The following HID1 variants were observed in gnomAD, a reference collection of about 807,000 sequenced individuals.
The protein encoded by HID1 is protein HID1.
A neutral mutation model predicts 89.7 loss-of-function variants in HID1; 42 were observed. The ratio of observed to expected loss-of-function variants is 0.47; its 90% confidence interval spans 0.37 to 0.61. The LOEUF (loss-of-function observed/expected upper bound fraction) is 0.61, where lower values mean the gene tolerates loss of function less well. HID1 is among the 20% of genes least tolerant of loss of function. The pLI is 0.00. For synonymous variants in HID1, 442 were observed against 433.8 expected, an observed-to-expected ratio of 1.02 and a Z score of -0.24; for missense variants, 854 against 1,039.3, an observed-to-expected ratio of 0.82 and a Z score of 2.45.
intron 3 of HID1, 43 bp from the exon 4 acceptor site, chr17:74,963,124 C>T: frequency 6.9e-7 from 1 of 1,447,248 alleles, no homozygotes; most frequent in Non-Finnish European, 9.5e-7. Context: ...GATAGCTGGC[C>T]AGGAAGAGGT....
chr17:74,952,008 C>A lies in HID1; in HGVS notation c.2200G>T (p.Gly734Trp). The A allele has an allele frequency of 6.4e-7, 1 of 1,560,386 alleles. No homozygotes were observed. Among genetic ancestry groups the A allele is most frequent in the East Asian group, 2.4e-5 (1 of 42,500 alleles). Residue 734 changes from glycine to tryptophan, a missense_variant, in exon 18 of 19, where the codon GGG becomes TGG. By Grantham distance (184) the Gly-to-Trp change is radical. Coordinates refer to ENST00000425042, the MANE Select transcript of HID1 (RefSeq NM_030630.3). ...ATGGGGTGGGGCACGGGCAGCAGCC[C>A]CACCAGGGTGCCATGCTGCAGGAAC... ...LRFLQHGTLVGLLPVPHPILI... is the reference protein window; with the variant it reads ...LRFLQHGTLVWLLPVPHPILI...
intron 6 of HID1, 79 bp downstream of exon 6, chr17:74,961,794 C>T (rs1421282405): frequency 1.2e-6 from 1 of 848,064 alleles, no homozygotes; most frequent in Non-Finnish European, 1.7e-6. Flanking sequence ...AAACGAGACC[C>T]AGAGCTGGCG....
chr17:74,965,233 A>T (rs979265419), intron 1 of HID1, among the ~76,000 whole-genome samples: 1 of 152,164 alleles, frequency 6.6e-6, no homozygotes, highest in Non-Finnish European at 1.5e-5. Context: ...AGGGCTGCCA[A>T]CTTCAAATCC....
At position 74,958,900 on chromosome 17, in the gene HID1, G is replaced by GGCTGGCCCACCTTGTTGAA; in HGVS notation, c.1141_1149+10dup. The GGCTGGCCCACCTTGTTGAA allele has an allele frequency of 6.3e-7, 1 of 1,586,910 alleles. No individual in the cohort carries two copies. The highest frequency in any genetic ancestry group is 2.2e-5 in the East Asian group (1 of 44,768). On this transcript the variant is annotated intron_variant, in intron 9 of 18. Coordinates refer to ENST00000425042, the MANE Select transcript of HID1 (RefSeq NM_030630.3). The surrounding 1 kb of genome is among the most constrained non-coding windows in gnomAD (Gnocchi z 5.2). ...TCCATCTCCCTGCAGGGCCCCTCGA[G>GGCTGGCCCACCTTGTTGAA]GCTGGCCCACCTTGTTGAAGTCGCA...
In HID1 at chr17:74,964,514, G is replaced by A. The variant is rs2039533008; in HGVS notation, c.185C>T (p.Ser62Leu). The A allele has an allele frequency of 6.2e-7, 1 of 1,610,100 alleles. No individual in the cohort carries two copies. Among genetic ancestry groups the A allele is most frequent in the African/African-American group, 1.3e-5 (1 of 74,898 alleles). Residue 62 changes from serine to leucine, a missense_variant, in exon 2 of 19, where the codon TCA becomes TTA. Ser to Leu is a moderately radical substitution (Grantham distance 145). Coordinates refer to ENST00000425042, the MANE Select transcript of HID1 (RefSeq NM_030630.3). Reference sequence around the variant, plus strand: ...GCACAGGGTGGCCAAGTTGGAGGGTGACTCTTCCCGCACGGCCCGGATCTC... The same window carrying A: ...GCACAGGGTGGCCAAGTTGGAGGGTAACTCTTCCCGCACGGCCCGGATCTC... ...AAEIRAVREE[S>L]PSNLATLCYK...
At chr17:74,954,511 G>A (rs2039359174) in intron 13 of HID1, 146 bp from the exon 14 acceptor site, 1 of 1,414,762 alleles carries the variant, frequency 7.1e-7, no homozygotes, top group Non-Finnish European at 9.5e-7. Context: ...GCCCAAGAGA[G>A]GGTGCTGGGG....
intron 12 of HID1, chr17:74,957,913 T>A: frequency 1.8e-6 from 1 of 561,142 alleles, no homozygotes; most frequent in East Asian, 3.0e-5. Context: ...ATATTAAATA[T>A]CTCATTAGTA....
At position 74,959,888 on chromosome 17, in the gene HID1, C is replaced by G; in HGVS notation, c.1001G>C (p.Arg334Pro). The G allele has an allele frequency of 6.2e-7, 1 of 1,613,712 alleles. No individual in the cohort carries two copies. Among genetic ancestry groups the G allele is most frequent in the Non-Finnish European group, 8.5e-7 (1 of 1,180,012 alleles). ...LFVNYLSRIH[R>P]EEDFQFILKG... Reference sequence around the variant, plus strand: ...TGTGGGGACTGGACTTGCCTCCTCACGATGGATGCGGGACAGGTAGTTCAC... The same window carrying G: ...TGTGGGGACTGGACTTGCCTCCTCAGGATGGATGCGGGACAGGTAGTTCAC... The change falls in exon 8 of 19, where the codon CGT becomes CCT. Residue 334 changes from arginine (R) to proline (P), a missense_variant. Arg to Pro is a moderately radical substitution (Grantham distance 103, BLOSUM62 -2). Coordinates refer to ENST00000425042, the MANE Select transcript of HID1 (RefSeq NM_030630.3). This position sits in a 1 kb window ranked among gnomAD's most constrained non-coding sequence, Gnocchi z 4.6.
chr17:74,961,731 G>C (rs1342009736), intron 6 of HID1, 142 bp downstream of exon 6: 8 of 449,226 alleles, frequency 1.8e-5, no homozygotes, highest in African/African-American at 2.0e-5. Context: ...GCTAGTGTGA[G>C]GTGTGGCTGG....
rs908046223 is a variant in HID1 at position 74,951,380 on chromosome 17, G to A, written c.*190C>T. 2 of 609,650 alleles carry A rather than the reference G, an allele frequency of 3.3e-6. No homozygotes were observed. Among genetic ancestry groups the A allele is most frequent in the Non-Finnish European group, 5.8e-6 (2 of 343,320 alleles). 37.8% of individuals were successfully genotyped at this position (609,650 alleles called of 1,614,324 possible). A position where few individuals can be genotyped will look rare whatever the true frequency, so the allele number is the denominator to read the frequency against. On this transcript the variant is annotated 3_prime_UTR_variant, in exon 19 of 19. Coordinates refer to ENST00000425042, the MANE Select transcript of HID1 (RefSeq NM_030630.3). ...TGGGGCTCCTGTGAGTCCAGCCTAG[G>A]GGTTGAGGGGGATCTGAGCCAGTTC...
chr17:74,960,698 C>T (rs2039465912), intron 6 of HID1, among the ~76,000 whole-genome samples: 1 of 152,338 alleles, frequency 6.6e-6, no homozygotes, highest in African/African-American at 2.4e-5. Flanking sequence ...AAAACTCTGG[C>T]CAGCCTCGGA....
At chr17:74,953,749 C>T in intron 14 of HID1, 98 bp from the exon 15 acceptor site, 1 of 949,580 alleles carries the variant, frequency 1.1e-6, no homozygotes, top group Non-Finnish European at 1.6e-6. Context: ...TTTACTCCTG[C>T]TTCCCTCTGG....
intron 6 of HID1, 79 bp from the exon 7 acceptor site, chr17:74,960,327 A>AAGGT: frequency 8.0e-7 from 1 of 1,255,924 alleles, no homozygotes; most frequent in Non-Finnish European, 1.1e-6. Context: ...GCCACGTGGG[A>AAGGT]AGGTCAGCCT....
Position 74,958,818 on chromosome 17 carries a change from C to A in HID1, c.1150-55G>T, listed in dbSNP as rs2039435289. ...TGAGTTCAAGGGAGGGGCAGCTCTG[C>A]CCCACCCCCCTCAGTCTGACACTGT... On this transcript the variant is annotated intron_variant, in intron 9 of 18. Coordinates refer to ENST00000425042, the MANE Select transcript of HID1 (RefSeq NM_030630.3). The surrounding 1 kb of genome is among the most constrained non-coding windows in gnomAD (Gnocchi z 5.2). 18 of 1,596,128 alleles carry A rather than the reference C, an allele frequency of 1.1e-5. No individual in the cohort carries two copies. The highest frequency in any genetic ancestry group is 1.5e-5 in the Non-Finnish European group (18 of 1,169,030).
In HID1 at chr17:74,958,651, C is replaced by A; in HGVS notation, c.1240+22G>T. On this transcript the variant is annotated intron_variant, in intron 10 of 18. Coordinates refer to ENST00000425042, the MANE Select transcript of HID1 (RefSeq NM_030630.3). The surrounding 1 kb of genome is among the most constrained non-coding windows in gnomAD (Gnocchi z 5.2). ...TCGCCGCCAGGAAAGCCCCCAGCAT[C>A]CCACCCCCACCCTGGTCTTACACTG... 3.9e-6 allele frequency: 3 copies of A among 769,990 alleles called. No individual in the cohort carries two copies. The highest frequency in any genetic ancestry group is 6.8e-6 in the Non-Finnish European group (3 of 442,116). 47.7% of individuals were successfully genotyped at this position (769,990 alleles called of 1,614,324 possible).
intron 13 of HID1, 110 bp downstream of exon 13, chr17:74,955,682 G>T: frequency 1.1e-6 from 1 of 939,862 alleles, no homozygotes; most frequent in Non-Finnish European, 1.6e-6. Context: ...GGGGCAGAAG[G>T]CAAGCAGGCC....
chr17:74,966,497 G>C (rs2039566214), intron 1 of HID1, among the ~76,000 whole-genome samples: 1 of 152,000 alleles, frequency 6.6e-6, no homozygotes, highest in Non-Finnish European at 1.5e-5. Context: ...CCTTCTGAGT[G>C]TCACTTCCTG....
chr17:74,954,262 C>A lies in HID1; in HGVS notation c.1740G>T (p.Arg580=), dbSNP rs1483976262. ...DPPTIHKALQ[R]RRRTPEPLSR... Reference sequence around the variant, plus strand: ...ACAAGGGCTCAGGTGTCCGCCGGCGCCGCTGCAGGGCCTTGTGAATGGTGG... The same window carrying A: ...ACAAGGGCTCAGGTGTCCGCCGGCGACGCTGCAGGGCCTTGTGAATGGTGG... Residue 580 remains arginine (R), a synonymous_variant, in exon 14 of 19, where the codon CGG becomes CGT. Transcript: ENST00000425042. The A allele has an allele frequency of 3.1e-6, 5 of 1,587,790 alleles. No individual in the cohort carries two copies. The highest frequency in any genetic ancestry group is 4.3e-6 in the Non-Finnish European group (5 of 1,168,104).
At chr17:74,968,004 C>T (rs1278575398) in intron 1 of HID1, 1 of 152,362 alleles carries the variant, frequency 6.6e-6, no homozygotes, top group African/African-American at 2.4e-5. Context: ...ACTCAGGAGG[C>T]TGAGGCAGGA....
Sources: allele counts gnomAD v4.1 joint callset (sites outside exome capture counted in the v4.1 genomes callset), GRCh38; gene constraint gnomAD v4.1.1; non-coding constraint Gnocchi (gnomAD v3.1); transcripts MANE v1.5; gene names NCBI Gene and HGNC (gene_info 2026-07-23, HGNC 2026-07-21).